ADGRE3: variants seen among roughly 807,000 people sequenced by gnomAD.
ADGRE3 encodes the protein adhesion G protein-coupled receptor E3.
In ADGRE3, 88 loss-of-function variants were observed where a neutral mutation model predicts 80.1. The ratio of observed to expected loss-of-function variants is 1.10; its 90% CI spans 0.93 to 1.31. ADGRE3 has a LOEUF of 1.31. Among genes scored for constraint, ADGRE3 ranks in the 40% most tolerant of loss-of-function variants. The probability of loss-of-function intolerance (pLI) is 0.00; values close to 1 mark genes in which losing one functional copy is unlikely to be tolerated. For missense variants in ADGRE3, 715 were observed against 776.5 expected (o/e 0.92, Z 0.94); for synonymous variants, 281 against 294.8 (o/e 0.95, Z 0.48).
chr19:14,605,177 AAC>A, the ADGRE3 span, among the ~76,000 whole-genome samples: 1 of 151,396 alleles, frequency 6.6e-6, no homozygotes, highest in Non-Finnish European at 1.5e-5. Context: ...AGCTCACTGC[AAC>A]CTCCACCTCC....
At chr19:14,656,693 C>T (rs1437993199) in intron 5 of ADGRE3, among the ~76,000 whole-genome samples, 2 of 152,162 alleles carry the variant, frequency 1.3e-5, no homozygotes, top group African/African-American at 4.8e-5. Context: ...CCCAGGCAGC[C>T]TTTTCCTATT....
At chr19:14,604,455 T>A in the ADGRE3 span, among the ~76,000 whole-genome samples, 2 of 152,104 alleles carry the variant, frequency 1.3e-5, no homozygotes, top group African/African-American at 4.8e-5. Context: ...TTACAAAAAT[T>A]TCAATCACCT....
intron 8 of ADGRE3, among the ~76,000 whole-genome samples, chr19:14,646,128 CTT>C (rs1463987642): frequency 2.0e-5 from 3 of 152,120 alleles, no homozygotes; most frequent in Admixed American, 1.3e-4. Flanking sequence ...TTCTTCTTCT[CTT>C]TCTTTTTTTC....
chr19:14,614,976 C>G (rs1438766638), downstream of ADGRE3, among the ~76,000 whole-genome samples: 1 of 151,362 alleles, frequency 6.6e-6, no homozygotes, highest in African/African-American at 2.4e-5. Context: ...GCCTCAACCT[C>G]CTGGGCTCAA....
chr19:14,649,028 C>T (rs533240774), intron 7 of ADGRE3, among the ~76,000 whole-genome samples: 1 of 146,678 alleles, frequency 6.8e-6, no homozygotes, highest in Admixed American at 6.9e-5. Context: ...TTCCACATCT[C>T]TCTCTTTCCA....
chr19:14,665,036 T>G (rs1972052215), intron 2 of ADGRE3, among the ~76,000 whole-genome samples: 1 of 151,232 alleles, frequency 6.6e-6, no homozygotes, highest in Non-Finnish European at 1.5e-5. Flanking sequence ...TTCCACAGCT[T>G]CACATGTGGA....
downstream of ADGRE3, among the ~76,000 whole-genome samples, chr19:14,616,884 T>G (rs1279478273): frequency 2.0e-5 from 3 of 149,844 alleles, no homozygotes; most frequent in African/African-American, 7.4e-5. Context: ...AACCTCCATC[T>G]CCCGGGTTCA....
chr19:14,662,510 C>T (rs534252750), intron 3 of ADGRE3, among the ~76,000 whole-genome samples: 10 of 152,094 alleles, frequency 6.6e-5, no homozygotes, highest in South Asian at 2.1e-4. Flanking sequence ...CTCAGCCTCC[C>T]GAGTAACTGG....
rs1257121808 is a variant in ADGRE3, at chr19:14,620,583, T to A, written c.1921-1112A>T. 3.7e-3 allele frequency among the ~76,000 whole-genome samples: 222 copies of A among 60,380 alleles called. 13 individuals are homozygous for A. Among genetic ancestry groups the A allele is most frequent in the Non-Finnish European group, 5.0e-3 (165 of 32,788 alleles). 39.6% of individuals were successfully genotyped at this position (60,380 alleles called of 152,430 possible). ...ATATATATATATTTTTTTTTTTTTT[T>A]TTTTTTTTTTTTTTGAGACAGGGTT... On this transcript the variant is annotated intron_variant, in intron 15 of 15. Transcript: ENST00000253673.
chr19:14,633,214 A>G (rs1386572126), intron 12 of ADGRE3, 22 bp downstream of exon 12: 1 of 1,601,974 alleles, frequency 6.2e-7, no homozygotes, highest in East Asian at 2.2e-5. Flanking sequence ...CTAGTTTGGG[A>G]ACATCGAAGG....
chr19:14,620,525 A>T (rs868140895), intron 15 of ADGRE3, among the ~76,000 whole-genome samples: 15 of 29,418 alleles, frequency 5.1e-4, no homozygotes, highest in African/African-American at 1.7e-3. Context: ...ACTATATATG[A>T]ATATATATAT....
At chr19:14,666,888 C>T (rs1457130620) in intron 2 of ADGRE3, among the ~76,000 whole-genome samples, 1 of 152,106 alleles carries the variant, frequency 6.6e-6, no homozygotes, top group Non-Finnish European at 1.5e-5. Context: ...GACTTAATAC[C>T]TTACCATACT....
chr19:14,610,179 C>G, the ADGRE3 span: 2 of 1,571,338 alleles, frequency 1.3e-6, no homozygotes, highest in African/African-American at 1.4e-5. Flanking sequence ...GATTTGTGAG[C>G]GGAAATGTTC....
chr19:14,607,856 G>T, the ADGRE3 span, among the ~76,000 whole-genome samples: 4 of 151,254 alleles, frequency 2.6e-5, no homozygotes, highest in Non-Finnish European at 4.4e-5. Context: ...GATTACAGGG[G>T]TGAGCCACTG....
intron 3 of ADGRE3, 30 bp from the exon 4 acceptor site, chr19:14,662,148 C>A (rs779738219): frequency 6.2e-7 from 1 of 1,610,728 alleles, no homozygotes; most frequent in Non-Finnish European, 8.5e-7. Context: ...TTGGGTCATT[C>A]ATTCAGCAAA....
At chr19:14,607,208 T>TA in the ADGRE3 span, 2 of 416,554 alleles carry the variant, frequency 4.8e-6, no homozygotes, top group Non-Finnish European at 7.7e-6. Flanking sequence ...AGGAGCTGTT[T>TA]CTTTTTTTTT....
At chr19:14,617,373 T>TCTTC (rs773999580), downstream of ADGRE3, among the ~76,000 whole-genome samples, 2 of 121,798 alleles carry the variant, frequency 1.6e-5, no homozygotes, top group South Asian at 5.7e-4. Flanking sequence ...TTTCTTTCTT[T>TCTTC]CTTCCTTTCT....
chr19:14,633,654 A>G (rs1216286156), intron 11 of ADGRE3, among the ~76,000 whole-genome samples: 4 of 150,932 alleles, frequency 2.7e-5, no homozygotes, highest in Admixed American at 2.6e-4. Context: ...GCAGTGAGCC[A>G]AGATCGCGCC....
Position 14,645,280 on chromosome 19 carries a change from G to A in ADGRE3, c.883-1005C>T, listed in dbSNP as rs182028687. ...CCCTGGTCGTTGTATAATCAATTTT[G>A]TCTCTACTCCCTTACAACACAATAA... On this transcript the variant is annotated intron_variant, in intron 8 of 15. Coordinates refer to ENST00000253673, the MANE Select transcript of ADGRE3 (RefSeq NM_032571.5). 3.0e-4 allele frequency among the ~76,000 whole-genome samples: 46 copies of A among 152,238 alleles called. 1 individual carries two copies. The highest frequency in any genetic ancestry group is 1.1e-3 in the African/African-American group (45 of 41,546).
Sources: gnomAD v4.1 joint callset for allele counts (sites outside exome capture counted in the v4.1 genomes callset) on GRCh38, gnomAD v4.1.1 for gene constraint, MANE v1.5 for transcripts, NCBI Gene and HGNC (gene_info 2026-07-23, HGNC 2026-07-21) for gene names.